ANKIB1: variants seen among roughly 807,000 people sequenced by gnomAD.
ANKIB1 encodes ankyrin repeat and IBR domain-containing protein 1.
In ANKIB1, 43 loss-of-function variants were observed where a neutral mutation model predicts 122.1. The ratio of observed to expected loss-of-function variants is 0.35; its 90% CI spans 0.28 to 0.45. The LOEUF is 0.45. Among genes scored for constraint, ANKIB1 ranks in the 20% least tolerant of loss-of-function variants. ANKIB1 has a pLI of 1.00. For missense variants in ANKIB1, 992 were observed against 1,329.5 expected, an observed-to-expected ratio of 0.75 and a Z score of 3.95; for synonymous variants, 390 against 442.0, an observed-to-expected ratio of 0.88 and a Z score of 1.48.
At chr7:92,257,162 C>T (rs987346060) in intron 1 of ANKIB1, among the ~76,000 whole-genome samples, 1 of 149,754 alleles carries the variant, frequency 6.7e-6, no homozygotes, top group Non-Finnish European at 1.5e-5. Context: ...AACTGCACTC[C>T]AGCCTGGGAG....
At chr7:92,349,767 ATAT>A (rs2131982722) in intron 7 of ANKIB1, among the ~76,000 whole-genome samples, 1 of 152,292 alleles carries the variant, frequency 6.6e-6, no homozygotes, top group Admixed American at 6.5e-5. Flanking sequence ...TGGGAAGTTC[ATAT>A]TATTATCTCC....
At chr7:92,339,040 C>CTT (rs1209380092) in intron 5 of ANKIB1, among the ~76,000 whole-genome samples, 9 of 64,856 alleles carry the variant, frequency 1.4e-4, no homozygotes, top group African/African-American at 3.9e-4. Flanking sequence ...CTTGAATTTT[C>CTT]TTTTTTTTTT....
At chr7:92,313,904 TAA>T (rs1461673784) in intron 3 of ANKIB1, among the ~76,000 whole-genome samples, 11 of 152,090 alleles carry the variant, frequency 7.2e-5, no homozygotes, top group Admixed American at 6.6e-4. Context: ...GGAAGAGTAA[TAA>T]AACATTACTT....
At chr7:92,338,488 T>G (rs993089888) in intron 5 of ANKIB1, among the ~76,000 whole-genome samples, 60 of 152,042 alleles carry the variant, frequency 3.9e-4, no homozygotes, top group African/African-American at 1.1e-3. Context: ...TTGAGTTATG[T>G]GTATATAATT....
intron 1 of ANKIB1, among the ~76,000 whole-genome samples, chr7:92,269,014 G>A (rs930105504): frequency 3.3e-5 from 5 of 152,228 alleles, no homozygotes; most frequent in African/African-American, 1.2e-4. Flanking sequence ...AAATGTGGCA[G>A]TAGGCCACAG....
In ANKIB1 at chr7:92,288,389, A is replaced by G. The variant is rs1454281516; in HGVS notation, c.-90-6500A>G. Among the ~76,000 whole-genome samples the G allele has an allele frequency of 2.0e-5, 3 of 152,214 alleles. 1 individual carries two copies. In the South Asian group the frequency reaches 6.2e-4, roughly 31 times the overall value. On this transcript the variant is annotated intron_variant, in intron 1 of 19. Transcript: ENST00000265742. ...AGAAATACCATGTTCATGGATTAGGAGACTTAATATTGTTAAAATGTTTGT... is the reference window on the plus strand; with the variant it reads ...AGAAATACCATGTTCATGGATTAGGGGACTTAATATTGTTAAAATGTTTGT...
chr7:92,381,446 C>A (rs1221064495), intron 11 of ANKIB1, among the ~76,000 whole-genome samples: 1 of 152,166 alleles, frequency 6.6e-6, no homozygotes, highest in East Asian at 1.9e-4. Flanking sequence ...TTGTCAGATT[C>A]ACCAATGTTG....
intron 4 of ANKIB1, 132 bp downstream of exon 4, chr7:92,319,644 A>T (rs1802863328): frequency 4.3e-6 from 4 of 919,580 alleles, no homozygotes; most frequent in Non-Finnish European, 6.4e-6. Flanking sequence ...TGTCATCTTC[A>T]TAGCCATAAA....
intron 1 of ANKIB1, among the ~76,000 whole-genome samples, chr7:92,273,067 G>C (rs1430928095): frequency 6.6e-6 from 1 of 152,122 alleles, no homozygotes; most frequent in African/African-American, 2.4e-5. Flanking sequence ...ATAACATTTT[G>C]GTCAACAATG....
intron 2 of ANKIB1, among the ~76,000 whole-genome samples, chr7:92,305,548 T>A (rs1802542644): frequency 6.6e-6 from 1 of 151,952 alleles, no homozygotes; most frequent in Admixed American, 6.6e-5. Flanking sequence ...ATGTAATGAG[T>A]TATGTAATTG....
chr7:92,345,736 A>G (rs1585118198), intron 7 of ANKIB1, among the ~76,000 whole-genome samples: 1 of 152,160 alleles, frequency 6.6e-6, no homozygotes, highest in East Asian at 1.9e-4. Context: ...CTATTGTTTG[A>G]TGACCTAAGT....
At chr7:92,266,945 G>A (rs997452175) in intron 1 of ANKIB1, among the ~76,000 whole-genome samples, 5 of 152,154 alleles carry the variant, frequency 3.3e-5, no homozygotes, top group African/African-American at 9.7e-5. Context: ...TCATTATAGC[G>A]CAGTGGGTAA....
intron 1 of ANKIB1, among the ~76,000 whole-genome samples, chr7:92,285,661 A>G (rs10488513): frequency 0.1 from 15,763 of 152,278 alleles, 1,001 homozygotes; most frequent in East Asian, 0.36. Flanking sequence ...TTATTCTGTC[A>G]TAGGAAACAA....
At chr7:92,354,288 A>G (rs1803734650) in intron 9 of ANKIB1, among the ~76,000 whole-genome samples, 1 of 152,124 alleles carries the variant, frequency 6.6e-6, no homozygotes, top group African/African-American at 2.4e-5. Flanking sequence ...TTTTTCTCAT[A>G]CCCCAAAATA....
intron 1 of ANKIB1, among the ~76,000 whole-genome samples, chr7:92,291,226 G>A (rs1425018451): frequency 2.0e-5 from 3 of 151,844 alleles, no homozygotes; most frequent in Non-Finnish European, 2.9e-5. Flanking sequence ...CTTGGGAGGC[G>A]GAGGTTGCAG....
intron 11 of ANKIB1, among the ~76,000 whole-genome samples, chr7:92,376,498 G>A (rs1804385609): frequency 6.7e-6 from 1 of 148,360 alleles, no homozygotes; most frequent in South Asian, 2.1e-4. Flanking sequence ...CCCCCAGGCT[G>A]GTGTGCAATG....
chr7:92,354,348 G>C (rs1026012553), intron 9 of ANKIB1, among the ~76,000 whole-genome samples: 2 of 151,976 alleles, frequency 1.3e-5, no homozygotes, highest in Non-Finnish European at 2.9e-5. Flanking sequence ...CCAAGATCAC[G>C]GGCCCTACTT....
intron 1 of ANKIB1, among the ~76,000 whole-genome samples, chr7:92,290,621 T>C (rs1478998172): frequency 6.6e-6 from 1 of 152,188 alleles, no homozygotes; most frequent in Non-Finnish European, 1.5e-5. Context: ...AAAAATACTT[T>C]TATGGGAACA....
intron 8 of ANKIB1, 123 bp downstream of exon 8, chr7:92,351,217 C>G: frequency 1.2e-6 from 1 of 832,600 alleles, no homozygotes; most frequent in Non-Finnish European, 1.7e-6. Context: ...TTGTTAGAAA[C>G]ACTTTATCAG....
Sources: gnomAD v4.1 joint callset for allele counts (sites outside exome capture counted in the v4.1 genomes callset) on GRCh38, gnomAD v4.1.1 for gene constraint, MANE v1.5 for transcripts, NCBI Gene and HGNC (gene_info 2026-07-23, HGNC 2026-07-21) for gene names.